Variants in HAUS4 observed in about 807,000 individuals in gnomAD.
HAUS4 encodes the protein HAUS augmin-like complex subunit 4.
In HAUS4, 34 loss-of-function variants were observed where a neutral mutation model predicts 50.6. The ratio of observed to expected loss-of-function variants is 0.67; its 90% CI spans 0.51 to 0.90. The LOEUF is 0.90. HAUS4 is among the 40% of genes least tolerant of loss of function. The pLI is 0.00. For synonymous variants in HAUS4, 149 were observed against 161.4 expected (o/e 0.92, Z 0.58); for missense variants, 370 against 428.7 (o/e 0.86, Z 1.21).
Position 22,951,555 on chromosome 14 carries a change from C to G in HAUS4, c.465G>C (p.Glu155Asp). ...TTGGTTCCAATATCTCCCCGCCAAC[C>G]TCTGAGAGTGGCATGAGTTCCAGAA... ...ADLLELMPLSEDFVWMRARLQ... is the reference protein window; with the variant it reads ...ADLLELMPLSDDFVWMRARLQ... The change falls in exon 5 of 10, where the codon GAG (glutamate) becomes GAC (aspartate). Residue 155 changes from glutamate (E) to aspartate (D), a missense_variant and splice_region_variant. Physicochemically the swap from Glu to Asp is conservative, Grantham distance 45 (BLOSUM62 2). Transcript: ENST00000541587. 6.2e-7 allele frequency: 1 copy of G among 1,613,950 alleles called. No individual in the cohort carries two copies. The highest frequency in any genetic ancestry group is 8.5e-7 in the Non-Finnish European group (1 of 1,179,886).
intron 2 of HAUS4, 34 bp from the exon 3 acceptor site, chr14:22,952,717 A>T: frequency 6.5e-7 from 1 of 1,539,864 alleles, no homozygotes; most frequent in Non-Finnish European, 8.7e-7. Context: ...ACAAAAAAAC[A>T]AAAAAGGTGT....
In HAUS4 at chr14:22,947,998, G is replaced by A. The variant is rs1200730784; in HGVS notation, c.578C>T (p.Thr193Ile). ...YDPNSDADSE[T>I]VKAAKVWKLA... The stretch of plus-strand genomic sequence containing the variant: ...TTTCCACACCTTTGCTGCCTTCACG[G>A]TTTCACTGTCAGCATCTGAGCAAAG... Residue 193 changes from threonine to isoleucine, a missense_variant, in exon 7 of 10, where the codon ACC (threonine) becomes ATC (isoleucine). Transcript: ENST00000541587. The A allele has an allele frequency of 6.2e-7, 1 of 1,611,604 alleles. No homozygotes were observed. The highest frequency in any genetic ancestry group is 1.1e-5 in the South Asian group (1 of 90,778).
chr14:22,953,525 A>C (rs1373291872), intron 2 of HAUS4, among the ~76,000 whole-genome samples: 2 of 152,132 alleles, frequency 1.3e-5, no homozygotes, highest in Non-Finnish European at 2.9e-5. Context: ...GGCTCACTGC[A>C]ATTTCCACCT....
At position 22,949,868 on chromosome 14, in the gene HAUS4, C is replaced by T. The variant is rs564418010; in HGVS notation, c.562+446G>A. 1.8e-4 allele frequency among the ~76,000 whole-genome samples: 28 copies of T among 152,270 alleles called. 1 individual carries two copies. In the East Asian group the frequency reaches 5.2e-3, roughly 28 times the overall value. On this transcript the variant is annotated intron_variant, in intron 6 of 9. Transcript: ENST00000541587. ...TTTTGGCCGGGTGTGGTGGCTCACA[C>T]CTGTAATCCCAGCACTTTGGGATGC...
chr14:22,951,576 C>T lies in HAUS4; in HGVS notation c.444G>A (p.Leu148=). The T allele has an allele frequency of 6.2e-7, 1 of 1,613,982 alleles. No homozygotes were observed. The highest frequency in any genetic ancestry group is 8.5e-7 in the Non-Finnish European group (1 of 1,179,942). Residue 148 remains leucine, a synonymous_variant, in exon 5 of 10, where the codon CTG becomes CTA. Coordinates refer to ENST00000541587, the MANE Select transcript of HAUS4 (RefSeq NM_001166269.2). ...CAACCTCTGAGAGTGGCATGAGTTC[C>T]AGAAGGTCCGCTTTCTCCAGCCCCA... The part of the protein sequence containing the change: ...PLLGLEKADL[L]ELMPLSEDFV...
rs774424851 is a variant in HAUS4, at chr14:22,947,550, G to T, written c.839+51C>A. On this transcript the variant is annotated intron_variant, in intron 8 of 9. Transcript: ENST00000541587. ...AAGAGATTAGGGTAAGGGATAGAGG[G>T]CTGATAACGTGAGACAGAATCCCTT... 1.8e-5 allele frequency: 28 copies of T among 1,597,648 alleles called. No homozygotes were observed. In the South Asian group the frequency reaches 3.1e-4, roughly 18 times the overall value.
chr14:22,955,293 T>C lies in HAUS4; in HGVS notation c.-22-117A>G. On this transcript the variant is annotated intron_variant, in intron 1 of 9. Transcript: ENST00000541587. Reference sequence around the variant, plus strand: ...ACAAGCTGGAAAGGAACCTCAAGGATGACTTTTACAGAGGGCCTATACCAC... The same window carrying C: ...ACAAGCTGGAAAGGAACCTCAAGGACGACTTTTACAGAGGGCCTATACCAC... 4.0e-6 allele frequency: 3 copies of C among 744,768 alleles called. No homozygotes were observed. The South Asian group carries it at 4.3e-5, about 11-fold the overall frequency. 46.1% of individuals were successfully genotyped at this position (744,768 alleles called of 1,614,324 possible).
intron 1 of HAUS4, among the ~76,000 whole-genome samples, chr14:22,955,866 G>A (rs2044853461): frequency 1.3e-5 from 2 of 152,134 alleles, no homozygotes; most frequent in Admixed American, 1.3e-4. Flanking sequence ...TGAGCTGTGG[G>A]TGTTTTGCCA....
At chr14:22,948,558 C>T (rs562407529) in intron 6 of HAUS4, among the ~76,000 whole-genome samples, 19 of 151,202 alleles carry the variant, frequency 1.3e-4, no homozygotes, top group South Asian at 6.3e-4. Context: ...TTTTTTGAGA[C>T]GGAGTCTCTC....
intron 2 of HAUS4, among the ~76,000 whole-genome samples, 189 bp from the exon 3 acceptor site, chr14:22,952,872 A>G (rs1252901754): frequency 1.3e-5 from 2 of 152,214 alleles, no homozygotes; most frequent in African/African-American, 2.4e-5. Flanking sequence ...AAGCATTTAT[A>G]TTATATACAA....
rs1446369470 is a variant in HAUS4, at chr14:22,947,539, AG to A, written c.839+61del. ...AAGGGAGAGGAAAGAGATTAGGGTA[AG>A]GGATAGAGGGCTGATAACGTGAGAC... is the stretch of plus-strand genomic sequence containing the variant. On this transcript the variant is annotated intron_variant, in intron 8 of 9. Coordinates refer to ENST00000541587, the MANE Select transcript of HAUS4 (RefSeq NM_001166269.2). 3.2e-6 allele frequency: 5 copies of A among 1,569,228 alleles called. No individual in the cohort carries two copies. The African/African-American group carries it at 6.8e-5, about 21-fold the overall frequency.
Position 22,953,086 on chromosome 14 carries a change from A to AT in HAUS4, c.56-404dup, listed in dbSNP as rs2044786705. On this transcript the variant is annotated intron_variant, in intron 2 of 9. Coordinates refer to ENST00000541587, the MANE Select transcript of HAUS4 (RefSeq NM_001166269.2). ...GTGAAGTTCCAACTTTGGATGTGATATGTAGTCGCATAAACAAGACTAACA... is the reference window on the plus strand; with the variant it reads ...GTGAAGTTCCAACTTTGGATGTGATATTGTAGTCGCATAAACAAGACTAACA... Among the ~76,000 whole-genome samples the AT allele has an allele frequency of 2.0e-5, 3 of 152,348 alleles. No individual in the cohort carries two copies. In the South Asian group the frequency reaches 6.2e-4, roughly 32 times the overall value.
rs375695145 is a variant in HAUS4 at position 22,951,598 on chromosome 14, C to A, written c.422G>T (p.Gly141Val). The A allele has an allele frequency of 6.2e-7, 1 of 1,614,084 alleles. No homozygotes were observed. Among genetic ancestry groups the A allele is most frequent in the Admixed American group, 1.7e-5 (1 of 60,014 alleles). Residue 141 changes from glycine to valine, a missense_variant, in exon 5 of 10, where the codon GGG becomes GTG. Gly to Val is a moderately radical substitution (Grantham distance 109, BLOSUM62 -3). Coordinates refer to ENST00000541587, the MANE Select transcript of HAUS4 (RefSeq NM_001166269.2). ...SQEREIPPLL[G>V]LEKADLLELM... ...TTCCAGAAGGTCCGCTTTCTCCAGC[C>A]CCAGCAGTGGAGGTATCTCCCTCTC... is the stretch of plus-strand genomic sequence containing the variant.
rs991875220 is a variant in HAUS4, at chr14:22,946,425, C to T, written c.*100G>A. On this transcript the variant is annotated 3_prime_UTR_variant, in exon 10 of 10. Transcript: ENST00000541587. ...TTCAAGCGTAAGCATTTCCACACTC[C>T]CTTGTACTGAAGGCAGCCCCAGGTG... is the stretch of plus-strand genomic sequence containing the variant. The T allele has an allele frequency of 1.2e-6, 1 of 866,640 alleles. No individual in the cohort carries two copies. Among genetic ancestry groups the T allele is most frequent in the Non-Finnish European group, 1.8e-6 (1 of 560,948 alleles). The allele number at this position is 866,640 out of a possible 1,614,324, so 53.7% of individuals were successfully genotyped here.
At chr14:22,950,071 T>G (rs1594542892) in intron 6 of HAUS4, among the ~76,000 whole-genome samples, 1 of 146,194 alleles carries the variant, frequency 6.8e-6, no homozygotes, top group Non-Finnish European at 1.5e-5. Flanking sequence ...GAGCTTGCGG[T>G]GAACAGAAAT....
At chr14:22,951,274 C>T (rs1408171918) in intron 5 of HAUS4, among the ~76,000 whole-genome samples, 2 of 151,660 alleles carry the variant, frequency 1.3e-5, no homozygotes, top group Non-Finnish European at 2.9e-5. Flanking sequence ...CAAAGTGCTA[C>T]GATTATAGGC....
chr14:22,947,934 C>G lies in HAUS4; in HGVS notation c.642G>C (p.Gln214His). The change falls in exon 7 of 10, where the codon CAG becomes CAC. Residue 214 changes from glutamine to histidine, a missense_variant. Transcript: ENST00000541587. ...EVLVGEQQQC[Q>H]DAKSQQKEQM... is the part of the protein sequence containing the mutation. Reference sequence around the variant, plus strand: ...GCTCCTTCTGCTGGCTCTTGGCATCCTGGCACTGCTGCTGCTCACCCACCA... The same window carrying G: ...GCTCCTTCTGCTGGCTCTTGGCATCGTGGCACTGCTGCTGCTCACCCACCA... 1 of 1,614,126 alleles carries G rather than the reference C, an allele frequency of 6.2e-7. No individual in the cohort carries two copies. Among genetic ancestry groups the G allele is most frequent in the Non-Finnish European group, 8.5e-7 (1 of 1,180,012 alleles).
chr14:22,955,178 T>C lies in HAUS4; in HGVS notation c.-22-2A>G. ...ATTTGATTTTCTTGGGATTCTAATC[T>C]GTGGAACCAAGAAGTGAAAGAAAAC... On this transcript the variant is annotated splice_acceptor_variant, in intron 1 of 9. Coordinates refer to ENST00000541587, the MANE Select transcript of HAUS4 (RefSeq NM_001166269.2). LOFTEE classifies it low-confidence loss of function (5UTR_SPLICE). 1 of 1,574,654 alleles carries C rather than the reference T, an allele frequency of 6.4e-7. No homozygotes were observed. Among genetic ancestry groups the C allele is most frequent in the Non-Finnish European group, 8.7e-7 (1 of 1,143,986 alleles).
intron 3 of HAUS4, 37 bp from the exon 4 acceptor site, chr14:22,952,496 C>G: frequency 6.2e-7 from 1 of 1,613,556 alleles, no homozygotes; most frequent in South Asian, 1.1e-5. Context: ...GAACCTCTCT[C>G]TCAGGATTTT....
Sources: allele counts gnomAD v4.1 joint callset (sites outside exome capture counted in the v4.1 genomes callset), GRCh38; gene constraint gnomAD v4.1.1; transcripts MANE v1.5; gene names NCBI Gene and HGNC (gene_info 2026-07-23, HGNC 2026-07-21).